DCBLD1: variants seen among roughly 807,000 people sequenced by gnomAD.
DCBLD1 encodes the protein discoidin, CUB and LCCL domain-containing protein 1.
Under a neutral mutation model 71.5 loss-of-function variants are expected in DCBLD1, and 57 were observed. The observed-to-expected ratio is 0.80, with a 90% CI of 0.64 to 0.99. DCBLD1 has a LOEUF of 0.99. DCBLD1 is among the 50% of genes least tolerant of loss of function. The pLI is 0.00. For synonymous variants in DCBLD1, 380 were observed against 363.8 expected (o/e 1.04, Z -0.51); for missense variants, 891 against 923.5 (o/e 0.96, Z 0.46).
chr6:117,515,423 TAAAA>T (rs892513465), intron 2 of DCBLD1, among the ~76,000 whole-genome samples: 4 of 152,264 alleles, frequency 2.6e-5, no homozygotes, highest in African/African-American at 9.6e-5. Flanking sequence ...TGGGTTAATA[TAAAA>T]AAATGTGATT....
At chr6:117,504,102 A>C (rs1020892676) in intron 2 of DCBLD1, 123 bp downstream of exon 2, 1 of 1,063,218 alleles carries the variant, frequency 9.4e-7, no homozygotes, top group Non-Finnish European at 1.3e-6. Flanking sequence ...GCTTCTGTAA[A>C]TTCTTGGGGG....
At chr6:117,532,438 C>A (rs1778756829) in intron 6 of DCBLD1, 45 bp downstream of exon 6, 1 of 1,521,762 alleles carries the variant, frequency 6.6e-7, no homozygotes, top group Non-Finnish European at 8.8e-7. Context: ...TAGAAGGTAA[C>A]CCTGAAGGAT....
chr6:117,546,545 C>T (rs1779270894), intron 14 of DCBLD1, among the ~76,000 whole-genome samples: 1 of 152,174 alleles, frequency 6.6e-6, no homozygotes. Context: ...TCCTCTTGTT[C>T]CTTGGAAGTG....
chr6:117,532,229 A>G lies in DCBLD1; in HGVS notation c.586-31A>G. On this transcript the variant is annotated intron_variant, in intron 5 of 14. Coordinates refer to ENST00000338728, the MANE Select transcript of DCBLD1 (RefSeq NM_001366458.2). ...ACTATATTTTAACTGTGTTCTTTTA[A>G]GTTCTGCATAATGATGTTGCTGTGT... 3 of 1,562,614 alleles carry G rather than the reference A, an allele frequency of 1.9e-6. No individual in the cohort carries two copies. The South Asian group carries it at 3.6e-5, about 19-fold the overall frequency.
chr6:117,561,362 A>T (rs2114595084), intron 14 of DCBLD1: 1 of 224,848 alleles, frequency 4.4e-6, no homozygotes, highest in South Asian at 1.8e-4. Context: ...CAGATAAAGG[A>T]TGTTCTCTGA....
intron 14 of DCBLD1, chr6:117,566,926 C>G: frequency 6.2e-7 from 1 of 1,611,468 alleles, no homozygotes; most frequent in Non-Finnish European, 8.5e-7. Flanking sequence ...TCTAACTCAT[C>G]AAGGTACAAA....
At chr6:117,537,135 A>G in intron 6 of DCBLD1, 50 bp from the exon 7 acceptor site, 2 of 1,596,018 alleles carry the variant, frequency 1.3e-6, no homozygotes, top group Non-Finnish European at 8.6e-7. Context: ...ATTAGTCACT[A>G]AGATGTAGGT....
chr6:117,489,656 G>A (rs1028929743), intron 1 of DCBLD1, among the ~76,000 whole-genome samples: 5 of 152,182 alleles, frequency 3.3e-5, no homozygotes, highest in South Asian at 2.1e-4. Flanking sequence ...AGGCCGAGGC[G>A]GGTGGATCAC....
At position 117,548,141 on chromosome 6, in the gene DCBLD1, C is replaced by G; in HGVS notation, c.1850C>G (p.Ala617Gly). 4 of 1,550,102 alleles carry G rather than the reference C, an allele frequency of 2.6e-6. No individual in the cohort carries two copies. Among genetic ancestry groups the G allele is most frequent in the Non-Finnish European group, 3.5e-6 (4 of 1,146,780 alleles). ...RHVLRAHTFS[A>G]QSGYRVPGPQ... ...GTGCTGCGCGCCCACACGTTCTCTGCGCAGAGCGGCTACCGCGTCCCAGGG... is the reference window on the plus strand; with the variant it reads ...GTGCTGCGCGCCCACACGTTCTCTGGGCAGAGCGGCTACCGCGTCCCAGGG... The change falls in exon 15 of 15, where the codon GCG becomes GGG. Residue 617 changes from alanine (A) to glycine (G), a missense_variant. Transcript: ENST00000338728.
chr6:117,506,918 T>C (rs1226103450), intron 2 of DCBLD1, among the ~76,000 whole-genome samples: 4 of 152,274 alleles, frequency 2.6e-5, no homozygotes, highest in African/African-American at 9.6e-5. Flanking sequence ...TGGCTTCTAA[T>C]GATTCTGTGT....
At chr6:117,488,314 A>G (rs188415503) in intron 1 of DCBLD1, among the ~76,000 whole-genome samples, 114 of 152,324 alleles carry the variant, frequency 7.5e-4, no homozygotes, top group Non-Finnish European at 1.9e-4. Context: ...ATATATGACT[A>G]TTGTGGAGCG....
intron 14 of DCBLD1, among the ~76,000 whole-genome samples, chr6:117,564,673 A>T (rs1779657933): frequency 6.6e-6 from 1 of 152,212 alleles, no homozygotes; most frequent in Admixed American, 6.5e-5. Context: ...AAGTGTCTGC[A>T]ATTTGCATAT....
intron 2 of DCBLD1, among the ~76,000 whole-genome samples, chr6:117,513,486 C>A (rs1048319392): frequency 6.6e-5 from 10 of 152,320 alleles, no homozygotes; most frequent in African/African-American, 2.4e-4. Flanking sequence ...TTACATTCCA[C>A]AAAAGATAAA....
chr6:117,485,546 G>A lies in DCBLD1; in HGVS notation c.112+2653G>A, dbSNP rs968584934. ...TCTGTCACCTTCTGTACCAGTGTGT[G>A]CACTCACCCTTCTGTTGTCTCATCT... On this transcript the variant is annotated intron_variant, in intron 1 of 14. Coordinates refer to ENST00000338728, the MANE Select transcript of DCBLD1 (RefSeq NM_001366458.2). 3.3e-5 allele frequency among the ~76,000 whole-genome samples: 5 copies of A among 152,282 alleles called. No individual in the cohort carries two copies. The South Asian group carries it at 8.3e-4, about 25-fold the overall frequency.
rs1203153254 is a variant in DCBLD1, at chr6:117,548,781, CTT to C, written c.*343_*344del. On this transcript the variant is annotated 3_prime_UTR_variant, in exon 15 of 15. Coordinates refer to ENST00000338728, the MANE Select transcript of DCBLD1 (RefSeq NM_001366458.2). The stretch of plus-strand genomic sequence containing the variant: ...TTGTATTTAACAATAATAAAAGTAA[CTT>C]AAGTTTGCTCTATCAGATTTTAGTT... The C allele has an allele frequency of 3.1e-5, 35 of 1,125,762 alleles. No individual in the cohort carries two copies. The highest frequency in any genetic ancestry group is 1.4e-4 in the South Asian group (5 of 35,452). The allele number at this position is 1,125,762 out of a possible 1,614,324, so 69.7% of individuals were successfully genotyped here. A position where few individuals can be genotyped will look rare whatever the true frequency, so the allele number is the denominator to read the frequency against.
At chr6:117,503,082 G>A (rs1417367316) in intron 1 of DCBLD1, among the ~76,000 whole-genome samples, 1 of 152,134 alleles carries the variant, frequency 6.6e-6, no homozygotes, top group Non-Finnish European at 1.5e-5. Flanking sequence ...ATTTTACTCT[G>A]AGTTCTATGA....
intron 1 of DCBLD1, among the ~76,000 whole-genome samples, chr6:117,488,694 G>A (rs1336127518): frequency 1.3e-5 from 2 of 152,184 alleles, no homozygotes; most frequent in Non-Finnish European, 2.9e-5. Flanking sequence ...GAATCTCTGA[G>A]ACCCTTTTAC....
intron 2 of DCBLD1, among the ~76,000 whole-genome samples, chr6:117,510,895 A>G (rs1214666181): frequency 6.6e-6 from 1 of 152,216 alleles, no homozygotes; most frequent in Non-Finnish European, 1.5e-5. Context: ...TGTGCGATGC[A>G]CTGGGCTTAG....
chr6:117,559,749 A>C (rs1397981741), intron 14 of DCBLD1, among the ~76,000 whole-genome samples: 1 of 152,230 alleles, frequency 6.6e-6, no homozygotes, highest in African/African-American at 2.4e-5. Flanking sequence ...AAAATAAAAT[A>C]CTGATTAACA....
Sources: gnomAD v4.1 joint callset for allele counts (sites outside exome capture counted in the v4.1 genomes callset) on GRCh38, gnomAD v4.1.1 for gene constraint, MANE v1.5 for transcripts, NCBI Gene and HGNC (gene_info 2026-07-23, HGNC 2026-07-21) for gene names.